The following FANCL variants were observed in gnomAD, a reference collection of about 807,000 sequenced individuals.
The protein encoded by FANCL is FA complementation group L.
A neutral mutation model predicts 59.4 loss-of-function variants in FANCL; 69 were observed. The observed-to-expected ratio is 1.16, with a 90% CI of 0.96 to 1.42. The LOEUF (loss-of-function observed/expected upper bound fraction) is 1.42. Ranked by LOEUF, FANCL falls within the 40% of genes most tolerant of loss-of-function variation. The pLI is 0.00. For synonymous variants in FANCL, 180 were observed against 147.1 expected (o/e 1.22, Z -1.62); for missense variants, 519 against 447.2 (o/e 1.16, Z -1.45).
chr2:58,180,324 C>T lies in FANCL; in HGVS notation c.541-14450G>A, dbSNP rs540014070. On this transcript the variant is annotated intron_variant, in intron 7 of 13. Coordinates refer to ENST00000233741, the MANE Select transcript of FANCL (RefSeq NM_018062.4). ...AGCAAAGACTTGAAACCAACCCAAACGCCCATCAATGATAGACTGGAAAAG... is the reference window on the plus strand; with the variant it reads ...AGCAAAGACTTGAAACCAACCCAAATGCCCATCAATGATAGACTGGAAAAG... Among the ~76,000 whole-genome samples the T allele has an allele frequency of 7.2e-5, 11 of 152,102 alleles. No homozygotes were observed. The South Asian group carries it at 8.3e-4, about 12-fold the overall frequency.
chr2:58,199,826 A>AT (rs146000574), intron 6 of FANCL, among the ~76,000 whole-genome samples: 8,008 of 152,190 alleles, frequency 0.053, 312 homozygotes, highest in African/African-American at 0.098. Flanking sequence ...TTGACAAATT[A>AT]TTAAAAGAAG....
chr2:58,167,890 G>A (rs954162843), intron 7 of FANCL, among the ~76,000 whole-genome samples: 6 of 152,050 alleles, frequency 3.9e-5, no homozygotes, highest in Non-Finnish European at 8.8e-5. Flanking sequence ...ATATCAGTAA[G>A]CTATGCGATT....
chr2:58,183,658 C>A (rs1573614293), intron 7 of FANCL, among the ~76,000 whole-genome samples: 1 of 151,924 alleles, frequency 6.6e-6, no homozygotes. Flanking sequence ...ATTTTTTATT[C>A]TCTTCTTTGT....
rs765926796 is a variant in FANCL at position 58,165,775 on chromosome 2, G to A, written c.640C>T (p.Leu214Phe). 11 of 1,613,936 alleles carry A rather than the reference G, an allele frequency of 6.8e-6. No individual in the cohort carries two copies. Among genetic ancestry groups the A allele is most frequent in the Non-Finnish European group, 8.5e-6 (10 of 1,179,992 alleles). ...CTCCGTGGAGGTTTTTCTGGCTCAA[G>A]TACCCAGGTCTTCTCATCGATTTCA... is the stretch of plus-strand genomic sequence containing the variant. ...MDEIDEKTWV[L>F]EPEKPPRSAT... is the part of the protein sequence containing the mutation. The change falls in exon 8 of 14, where the codon CTT (leucine) becomes TTT (phenylalanine). Residue 214 changes from leucine (L) to phenylalanine (F), a missense_variant. Leu to Phe is a conservative substitution (Grantham distance 22). Coordinates refer to ENST00000233741, the MANE Select transcript of FANCL (RefSeq NM_018062.4).
intron 7 of FANCL, among the ~76,000 whole-genome samples, chr2:58,190,899 T>C (rs765201430): frequency 2.0e-5 from 3 of 151,950 alleles, no homozygotes; most frequent in Non-Finnish European, 4.4e-5. Context: ...GAGGGGGGAA[T>C]ATTTTCTAGC....
chr2:58,165,445 T>C, intron 8 of FANCL, among the ~76,000 whole-genome samples: 1 of 152,192 alleles, frequency 6.6e-6, no homozygotes, highest in East Asian at 1.9e-4. Context: ...TTGAGTTACC[T>C]GTTCCACGAT....
chr2:58,186,778 G>C (rs1159340204), intron 7 of FANCL, among the ~76,000 whole-genome samples: 3 of 152,136 alleles, frequency 2.0e-5, no homozygotes, highest in Non-Finnish European at 4.4e-5. Flanking sequence ...GAACCGCAGT[G>C]AATTGTTTTG....
intron 5 of FANCL, among the ~76,000 whole-genome samples, chr2:58,205,833 G>T (rs371207959): frequency 6.6e-6 from 1 of 152,012 alleles, no homozygotes; most frequent in Non-Finnish European, 1.5e-5. Flanking sequence ...ATTTTTAAGT[G>T]CATGATAAAA....
chr2:58,170,038 C>G (rs982010018), intron 7 of FANCL, among the ~76,000 whole-genome samples: 5 of 152,044 alleles, frequency 3.3e-5, no homozygotes, highest in African/African-American at 1.2e-4. Context: ...ACAGAGAACA[C>G]CACAAAGATA....
At chr2:58,178,939 C>T (rs546746162) in intron 7 of FANCL, among the ~76,000 whole-genome samples, 1 of 152,178 alleles carries the variant, frequency 6.6e-6, no homozygotes, top group South Asian at 2.1e-4. Flanking sequence ...ACACCAATAA[C>T]AGACAAACAG....
rs2104845651 is a variant in FANCL, at chr2:58,169,278, G to A, written c.541-3404C>T. On this transcript the variant is annotated intron_variant, in intron 7 of 13. Coordinates refer to ENST00000233741, the MANE Select transcript of FANCL (RefSeq NM_018062.4). ...ACCCAGGCAAACAAGGTCTGGAGTGGACCTCCAGCAAAATCCAGCAGACCT... is the reference window on the plus strand; with the variant it reads ...ACCCAGGCAAACAAGGTCTGGAGTGAACCTCCAGCAAAATCCAGCAGACCT... Among the ~76,000 whole-genome samples, 5 of 152,270 alleles carry A rather than the reference G, an allele frequency of 3.3e-5. 1 individual carries two copies. The South Asian group carries it at 1.0e-3, about 32-fold the overall frequency.
intron 11 of FANCL, among the ~76,000 whole-genome samples, chr2:58,162,067 T>C (rs769338663): frequency 1.3e-5 from 2 of 151,916 alleles, no homozygotes; most frequent in Non-Finnish European, 2.9e-5. Flanking sequence ...ATCAGTAATA[T>C]TCCCATATCA....
At chr2:58,238,426 TAGC>T (rs1157654028) in intron 1 of FANCL, among the ~76,000 whole-genome samples, 1 of 152,124 alleles carries the variant, frequency 6.6e-6, no homozygotes, top group Non-Finnish European at 1.5e-5. Flanking sequence ...TTGAAGTAAA[TAGC>T]AGCAAAAGAT....
intron 7 of FANCL, among the ~76,000 whole-genome samples, chr2:58,174,223 G>T (rs1687015810): frequency 6.6e-6 from 1 of 152,178 alleles, no homozygotes; most frequent in Admixed American, 6.5e-5. Flanking sequence ...ACATTAGACA[G>T]ATCAACAAGA....
At chr2:58,194,089 A>G (rs1689195305) in intron 7 of FANCL, 1 of 397,254 alleles carries the variant, frequency 2.5e-6, no homozygotes, top group African/African-American at 2.1e-5. Flanking sequence ...TCTTGCATTC[A>G]TGGCATTATT....
At chr2:58,188,793 G>A (rs1335315523) in intron 7 of FANCL, among the ~76,000 whole-genome samples, 1 of 151,700 alleles carries the variant, frequency 6.6e-6, no homozygotes, top group Non-Finnish European at 1.5e-5. Context: ...AGAGCTGTTG[G>A]GATTTTGATT....
At chr2:58,183,771 A>G (rs1159270493) in intron 7 of FANCL, among the ~76,000 whole-genome samples, 1 of 151,962 alleles carries the variant, frequency 6.6e-6, no homozygotes, top group Non-Finnish European at 1.5e-5. Flanking sequence ...TGATGCTCAC[A>G]GTATAGCAAA....
chr2:58,196,088 A>G (rs746005877), intron 7 of FANCL, among the ~76,000 whole-genome samples: 11 of 152,174 alleles, frequency 7.2e-5, no homozygotes, highest in African/African-American at 1.7e-4. Context: ...GTAGACAAAC[A>G]TAAGATTATG....
intron 8 of FANCL, among the ~76,000 whole-genome samples, chr2:58,164,637 C>T (rs1685696957): frequency 6.6e-6 from 1 of 151,934 alleles, no homozygotes; most frequent in Admixed American, 6.6e-5. Flanking sequence ...AAAAACTAGA[C>T]TATGTATGCT....
Sources: allele counts gnomAD v4.1 joint callset (sites outside exome capture counted in the v4.1 genomes callset), GRCh38; gene constraint gnomAD v4.1.1; transcripts MANE v1.5; gene names NCBI Gene and HGNC (gene_info 2026-07-23, HGNC 2026-07-21).